The following DENND2A variants were observed in gnomAD, a reference collection of about 807,000 sequenced individuals.
DENND2A encodes the protein DENN domain-containing protein 2A.
DENND2A carries 53 observed loss-of-function variants against 105.3 expected under a neutral mutation model. That is an observed-to-expected ratio of 0.50 (90% CI 0.40 to 0.63). DENND2A has a LOEUF of 0.63. DENND2A is among the 30% of genes least tolerant of loss of function. The pLI, the probability that DENND2A is intolerant of heterozygous loss-of-function variation, is 0.00. For synonymous variants in DENND2A, 522 were observed against 508.4 expected, an observed-to-expected ratio of 1.03 and a Z score of -0.36; for missense variants, 1,138 against 1,279.6, an observed-to-expected ratio of 0.89 and a Z score of 1.69.
chr7:140,554,481 A>C (rs897178338), intron 12 of DENND2A, among the ~76,000 whole-genome samples: 1 of 151,650 alleles, frequency 6.6e-6, no homozygotes. Flanking sequence ...TACTAAAAAT[A>C]CAAAATTAGC....
intron 1 of DENND2A, among the ~76,000 whole-genome samples, chr7:140,611,997 T>C (rs1229054403): frequency 1.3e-5 from 2 of 152,008 alleles, no homozygotes; most frequent in African/African-American, 4.8e-5. Flanking sequence ...TTCCAGCACT[T>C]TGGGAGGCAG....
chr7:140,539,214 C>T (rs767309003), intron 14 of DENND2A, among the ~76,000 whole-genome samples: 4 of 152,226 alleles, frequency 2.6e-5, no homozygotes, highest in Non-Finnish European at 5.9e-5. Context: ...CCAAAGAACA[C>T]TTCAATTCCC....
intron 12 of DENND2A, among the ~76,000 whole-genome samples, chr7:140,553,966 G>A (rs1307674157): frequency 1.3e-5 from 2 of 152,164 alleles, no homozygotes; most frequent in African/African-American, 4.8e-5. Flanking sequence ...AGTGGCTTGT[G>A]CCTGTAATCC....
At chr7:140,530,762 ACT>A (rs568670898) in intron 14 of DENND2A, among the ~76,000 whole-genome samples, 84 of 151,312 alleles carry the variant, frequency 5.6e-4, no homozygotes, top group Non-Finnish European at 5.0e-4. Flanking sequence ...ACAGAATTTC[ACT>A]CTGTCTCCCA....
intron 1 of DENND2A, among the ~76,000 whole-genome samples, chr7:140,606,572 G>A (rs570913399): frequency 5.3e-5 from 8 of 152,064 alleles, no homozygotes; most frequent in Non-Finnish European, 1.2e-4. Context: ...ACCCTTCTGC[G>A]AACCCTGACA....
At chr7:140,579,315 A>G (rs998257011) in intron 5 of DENND2A, among the ~76,000 whole-genome samples, 1 of 151,954 alleles carries the variant, frequency 6.6e-6, no homozygotes, top group African/African-American at 2.4e-5. Flanking sequence ...TAATAATAAT[A>G]AAAAGAAATT....
At chr7:140,520,322 A>G (rs1328113609) in intron 18 of DENND2A, among the ~76,000 whole-genome samples, 3 of 151,162 alleles carry the variant, frequency 2.0e-5, no homozygotes, top group Non-Finnish European at 3.0e-5. Context: ...AAAAAAAAAA[A>G]GTTGAACCGG....
chr7:140,532,001 T>G (rs11977004), intron 14 of DENND2A, among the ~76,000 whole-genome samples: 24,278 of 149,098 alleles, frequency 0.16, 3,990 homozygotes, highest in African/African-American at 0.42. Context: ...GGTGGCTCAC[T>G]CCTGCAATCC....
intron 2 of DENND2A, among the ~76,000 whole-genome samples, chr7:140,602,992 A>T (rs1391511108): frequency 1.3e-5 from 2 of 151,286 alleles, no homozygotes; most frequent in South Asian, 2.1e-4. Context: ...AATGAAGATC[A>T]TAATAATATG....
At chr7:140,581,098 AC>A (rs1351693267) in intron 5 of DENND2A, among the ~76,000 whole-genome samples, 3 of 151,958 alleles carry the variant, frequency 2.0e-5, no homozygotes, top group Non-Finnish European at 4.4e-5. Flanking sequence ...CCCTGTCTTT[AC>A]TAAAAATACC....
chr7:140,544,916 T>C (rs756106328), intron 13 of DENND2A, 150 bp from the exon 14 acceptor site: 763 of 1,340,368 alleles, frequency 5.7e-4, no homozygotes, highest in Non-Finnish European at 6.9e-4. Flanking sequence ...AACAAAAGGA[T>C]TGGGGGAAAA....
intron 3 of DENND2A, among the ~76,000 whole-genome samples, chr7:140,599,427 G>A (rs1477054674): frequency 6.6e-6 from 1 of 152,002 alleles, no homozygotes; most frequent in African/African-American, 2.4e-5. Context: ...TGGAGCCAGA[G>A]AAAAATAAAA....
chr7:140,619,042 C>T (rs1800186948), intron 1 of DENND2A, among the ~76,000 whole-genome samples: 1 of 152,190 alleles, frequency 6.6e-6, no homozygotes, highest in Admixed American at 6.5e-5. Flanking sequence ...TCGTGATCTG[C>T]CCGCCTCGGC....
chr7:140,604,026 G>C (rs1329470903), intron 2 of DENND2A, among the ~76,000 whole-genome samples: 1 of 152,262 alleles, frequency 6.6e-6, no homozygotes, highest in Non-Finnish European at 1.5e-5. Flanking sequence ...GAGAGTATCT[G>C]TGTTGTCCAA....
intron 3 of DENND2A, among the ~76,000 whole-genome samples, chr7:140,598,291 C>T (rs1176526936): frequency 6.6e-6 from 1 of 152,062 alleles, no homozygotes; most frequent in Non-Finnish European, 1.5e-5. Flanking sequence ...TTTTAAAACT[C>T]TAAGTGAAAA....
intron 14 of DENND2A, chr7:140,543,805 G>A (rs1372003713): frequency 1.3e-5 from 2 of 152,264 alleles, no homozygotes; most frequent in African/African-American, 4.8e-5. Flanking sequence ...TGTTGGCCAG[G>A]ATGGTCTCAA....
chr7:140,599,099 G>A (rs1022397068), intron 3 of DENND2A, among the ~76,000 whole-genome samples: 4 of 152,066 alleles, frequency 2.6e-5, no homozygotes, highest in African/African-American at 9.7e-5. Flanking sequence ...CAGTTTGGGA[G>A]GCCAAGGCAG....
At chr7:140,550,420 C>T (rs181836346) in intron 12 of DENND2A, among the ~76,000 whole-genome samples, 39 of 151,878 alleles carry the variant, frequency 2.6e-4, no homozygotes, top group Admixed American at 1.5e-3. Flanking sequence ...TGCAGTGGTG[C>T]GATCTGGGCT....
chr7:140,590,027 TAAC>T (rs1420722750), intron 3 of DENND2A, among the ~76,000 whole-genome samples: 2 of 152,204 alleles, frequency 1.3e-5, no homozygotes, highest in Non-Finnish European at 2.9e-5. Context: ...ATAACTGCCC[TAAC>T]AACAGAAGAT....
Sources: allele counts gnomAD v4.1 joint callset (sites outside exome capture counted in the v4.1 genomes callset), GRCh38; gene constraint gnomAD v4.1.1; transcripts MANE v1.5; gene names NCBI Gene and HGNC (gene_info 2026-07-23, HGNC 2026-07-21).